The following LRRFIP1 variants were observed in gnomAD, a reference collection of about 807,000 sequenced individuals.
The protein encoded by LRRFIP1 is leucine-rich repeat flightless-interacting protein 1.
Under a neutral mutation model 104.4 loss-of-function variants are expected in LRRFIP1, and 62 were observed. That is an observed-to-expected ratio of 0.59 (90% CI 0.48 to 0.73). LRRFIP1 has a LOEUF of 0.73. Among genes scored for constraint, LRRFIP1 ranks in the 30% least tolerant of loss-of-function variants. LRRFIP1 has a pLI of 0.00. For synonymous variants in LRRFIP1, 300 were observed against 299.0 expected (o/e 1.00, Z -0.03); for missense variants, 796 against 824.5 (o/e 0.97, Z 0.42).
intron 19 of LRRFIP1, among the ~76,000 whole-genome samples, chr2:237,760,504 A>G (rs2059744795): frequency 6.6e-6 from 1 of 152,252 alleles, no homozygotes; most frequent in South Asian, 2.1e-4. Context: ...ATTAAGTAAC[A>G]ATGTGGAGAG....
chr2:237,722,413 A>G (rs746832282), intron 6 of LRRFIP1, among the ~76,000 whole-genome samples: 4 of 152,212 alleles, frequency 2.6e-5, no homozygotes, highest in Admixed American at 1.3e-4. Context: ...TGAAGAGTTG[A>G]AAACCATTGC....
chr2:237,681,898 C>T (rs2091887260), intron 1 of LRRFIP1, among the ~76,000 whole-genome samples: 1 of 151,448 alleles, frequency 6.6e-6, no homozygotes, highest in Non-Finnish European at 1.5e-5. Flanking sequence ...CTGGGATGGT[C>T]TCGATCTCCT....
chr2:237,719,056 C>T (rs866849621), intron 4 of LRRFIP1, among the ~76,000 whole-genome samples: 1 of 151,930 alleles, frequency 6.6e-6, no homozygotes, highest in Non-Finnish European at 1.5e-5. Flanking sequence ...AGATACATCC[C>T]CAGCTTCAGA....
intron 5 of LRRFIP1, 150 bp from the exon 6 acceptor site, chr2:237,720,622 C>A (rs1316783505): frequency 1.6e-6 from 1 of 640,330 alleles, no homozygotes. Context: ...AGGACCTAGA[C>A]TGGTGTCCCC....
chr2:237,641,235 G>T (rs2083915095), intron 1 of LRRFIP1, among the ~76,000 whole-genome samples: 1 of 149,412 alleles, frequency 6.7e-6, no homozygotes, highest in African/African-American at 2.5e-5. Flanking sequence ...AAAAAGGCCA[G>T]GTGCAGTGGC....
intron 1 of LRRFIP1, among the ~76,000 whole-genome samples, chr2:237,693,090 A>G (rs1016367341): frequency 6.6e-6 from 1 of 152,210 alleles, no homozygotes; most frequent in Non-Finnish European, 1.5e-5. Flanking sequence ...CCAGCTCAAT[A>G]TGCAGTCGTG....
At position 237,749,219 on chromosome 2, in the gene LRRFIP1, C is replaced by A. The variant is rs1576216402; in HGVS notation, c.690C>A (p.Gly230=). Residue 230 remains glycine (G), a synonymous_variant, in exon 13 of 24, where the codon GGC becomes GGA. Transcript: ENST00000308482. ...FTEKGSRNMP[G]LSAATLASLG... The stretch of plus-strand genomic sequence containing the variant: ...TCCAGGGGTCTCGTAACATGCCGGG[C>A]CTGTCTGCAGCCACGCTGGCCTCTC... 2 of 1,613,508 alleles carry A rather than the reference C, an allele frequency of 1.2e-6. No homozygotes were observed. The highest frequency in any genetic ancestry group is 2.7e-5 in the African/African-American group (2 of 74,858).
chr2:237,774,346 T>TC lies in LRRFIP1; in HGVS notation c.1708-11dup. 1.3e-6 allele frequency: 2 copies of TC among 1,537,694 alleles called. No individual in the cohort carries two copies. Among genetic ancestry groups the TC allele is most frequent in the Non-Finnish European group, 1.8e-6 (2 of 1,117,010 alleles). On this transcript the variant is annotated splice_polypyrimidine_tract_variant and intron_variant, in intron 22 of 23. Coordinates refer to ENST00000308482, the MANE Select transcript of LRRFIP1 (RefSeq NM_001137550.2). ...ATCAATTTATACATATGGTTTTTTTTCTACCTTTTAGGTAATAAGGTTAGA... is the reference window on the plus strand; with the variant it reads ...ATCAATTTATACATATGGTTTTTTTTCCTACCTTTTAGGTAATAAGGTTAGA...
chr2:237,647,985 C>T (rs2085254794), intron 1 of LRRFIP1, among the ~76,000 whole-genome samples: 1 of 152,098 alleles, frequency 6.6e-6, no homozygotes, highest in Non-Finnish European at 1.5e-5. Flanking sequence ...GGGGGAAGAA[C>T]TTACTTGTTT....
chr2:237,767,244 T>C (rs1171450525), intron 19 of LRRFIP1, among the ~76,000 whole-genome samples: 1 of 152,058 alleles, frequency 6.6e-6, no homozygotes, highest in Non-Finnish European at 1.5e-5. Context: ...TATAGAAATA[T>C]ATAGAGCAAT....
At chr2:237,762,149 T>C (rs3769053) in intron 19 of LRRFIP1, among the ~76,000 whole-genome samples, 23,242 of 152,168 alleles carry the variant, frequency 0.15, 2,573 homozygotes, top group African/African-American at 0.31. Context: ...AAAAATTACT[T>C]GAAAGCTGCT....
chr2:237,717,814 G>A lies in LRRFIP1; in HGVS notation c.249+5G>A. On this transcript the variant is annotated splice_donor_5th_base_variant and intron_variant, in intron 4 of 23. Transcript: ENST00000308482. This position sits in a 1 kb window ranked among gnomAD's most constrained non-coding sequence, Gnocchi z 4.2. ...GGTGACATCGAGCAGTGGATGGTAG[G>A]CCTTGAATATAATTTTGTTTTTACT... 1 of 1,609,418 alleles carries A rather than the reference G, an allele frequency of 6.2e-7. No homozygotes were observed. Among genetic ancestry groups the A allele is most frequent in the Non-Finnish European group, 8.5e-7 (1 of 1,175,730 alleles).
chr2:237,630,404 G>C (rs536126348), intron 1 of LRRFIP1, among the ~76,000 whole-genome samples: 22 of 152,308 alleles, frequency 1.4e-4, no homozygotes, highest in African/African-American at 4.6e-4. Flanking sequence ...GAGAGTCAGG[G>C]AGGAACCCGG....
intron 19 of LRRFIP1, chr2:237,762,833 C>T: frequency 6.2e-7 from 1 of 1,614,194 alleles, no homozygotes; most frequent in Non-Finnish European, 8.5e-7. Flanking sequence ...GGTTCAAAGC[C>T]AAATTCTTGA....
chr2:237,771,657 C>G (rs960449877), intron 20 of LRRFIP1, among the ~76,000 whole-genome samples: 12 of 149,690 alleles, frequency 8.0e-5, no homozygotes, highest in Non-Finnish European at 1.5e-4. Context: ...GCTGGCAAAC[C>G]GCCTCTGAAC....
intron 11 of LRRFIP1, among the ~76,000 whole-genome samples, chr2:237,744,737 G>A (rs1250128100): frequency 1.3e-5 from 2 of 152,234 alleles, no homozygotes; most frequent in Non-Finnish European, 2.9e-5. Flanking sequence ...TTAGTGTGAC[G>A]TTTTCACCCT....
At chr2:237,709,389 A>G (rs1258251504) in intron 2 of LRRFIP1, among the ~76,000 whole-genome samples, 1 of 151,994 alleles carries the variant, frequency 6.6e-6, no homozygotes, top group Non-Finnish European at 1.5e-5. Context: ...CACTGAGCCC[A>G]CCCCCAAGAG....
chr2:237,735,189 C>A lies in LRRFIP1; in HGVS notation c.490-79C>A. 1 of 1,222,912 alleles carries A rather than the reference C, an allele frequency of 8.2e-7. No homozygotes were observed. The highest frequency in any genetic ancestry group is 1.2e-6 in the Non-Finnish European group (1 of 855,164). 75.8% of individuals were successfully genotyped at this position (1,222,912 alleles called of 1,614,324 possible). A position where few individuals can be genotyped will look rare whatever the true frequency, so the allele number is the denominator to read the frequency against. ...GCTCCTGGCACGTGTCAGTTTTTCA[C>A]AGCTCACGTTTTCAGCACTTTCTGG... On this transcript the variant is annotated intron_variant, in intron 9 of 23. Transcript: ENST00000308482. This position sits in a 1 kb window ranked among gnomAD's most constrained non-coding sequence, Gnocchi z 4.6.
At position 237,763,077 on chromosome 2, in the gene LRRFIP1, A is replaced by G. The variant is rs1231763563; in HGVS notation, c.1459+2872A>G. On this transcript the variant is annotated intron_variant, in intron 19 of 23. Transcript: ENST00000308482. ...GATGACACAGTTTATCATGATGACA[A>G]ATGTATGGTAGAGGTCCCCCAAGAG... 3.1e-6 allele frequency: 5 copies of G among 1,614,092 alleles called. No individual in the cohort carries two copies. Among genetic ancestry groups the G allele is most frequent in the East Asian group, 2.2e-5 (1 of 44,896 alleles).
Sources: allele counts gnomAD v4.1 joint callset (sites outside exome capture counted in the v4.1 genomes callset), GRCh38; gene constraint gnomAD v4.1.1; non-coding constraint Gnocchi (gnomAD v3.1); transcripts MANE v1.5; gene names NCBI Gene and HGNC (gene_info 2026-07-23, HGNC 2026-07-21).